PDSS2: variants seen among roughly 807,000 people sequenced by gnomAD.
PDSS2 encodes all trans-polyprenyl-diphosphate synthase PDSS2.
A neutral mutation model predicts 44.5 loss-of-function variants in PDSS2; 31 were observed. The ratio of observed to expected loss-of-function variants is 0.70; its 90% CI spans 0.52 to 0.94. The LOEUF is 0.94. Ranked by LOEUF, PDSS2 falls within the 40% of genes least tolerant of loss-of-function variation. The pLI, the probability that PDSS2 is intolerant of heterozygous loss-of-function variation, is 0.00. For synonymous variants in PDSS2, 157 were observed against 180.3 expected, an observed-to-expected ratio of 0.87 and a Z score of 1.03; for missense variants, 452 against 482.2, an observed-to-expected ratio of 0.94 and a Z score of 0.59.
At chr6:107,400,101 G>A (rs1780061551) in intron 1 of PDSS2, among the ~76,000 whole-genome samples, 1 of 152,082 alleles carries the variant, frequency 6.6e-6, no homozygotes, top group African/African-American at 2.4e-5. Flanking sequence ...TCCTACTGGG[G>A]AGCCAGGCAA....
intron 3 of PDSS2, among the ~76,000 whole-genome samples, chr6:107,267,518 A>G (rs1775447705): frequency 6.6e-6 from 1 of 151,880 alleles, no homozygotes; most frequent in Non-Finnish European, 1.5e-5. Context: ...AAAGTATACT[A>G]TATGCATAAA....
chr6:107,364,388 C>G (rs952741597), intron 1 of PDSS2, among the ~76,000 whole-genome samples: 3 of 151,452 alleles, frequency 2.0e-5, no homozygotes, highest in Admixed American at 6.5e-5. Flanking sequence ...AGCCCTGCCC[C>G]GCGGGAAGGC....
intron 1 of PDSS2, among the ~76,000 whole-genome samples, chr6:107,456,911 G>A (rs1043556997): frequency 2.0e-5 from 3 of 152,122 alleles, no homozygotes; most frequent in African/African-American, 7.2e-5. Flanking sequence ...GGACTGAGGA[G>A]TACACATTTA....
At chr6:107,314,633 T>C (rs1309322368) in intron 2 of PDSS2, among the ~76,000 whole-genome samples, 2 of 152,224 alleles carry the variant, frequency 1.3e-5, no homozygotes, top group Non-Finnish European at 2.9e-5. Context: ...TCATTAGATA[T>C]ACAGTGGCAG....
intron 1 of PDSS2, among the ~76,000 whole-genome samples, chr6:107,455,082 C>T (rs544710141): frequency 6.6e-6 from 1 of 152,034 alleles, no homozygotes; most frequent in East Asian, 1.9e-4. Context: ...TACAGCAACA[C>T]ATACATGCTA....
chr6:107,255,420 A>G (rs1233800246), intron 3 of PDSS2, among the ~76,000 whole-genome samples: 2 of 151,374 alleles, frequency 1.3e-5, no homozygotes, highest in Admixed American at 1.3e-4. Flanking sequence ...TCAAACTCCT[A>G]GCCTCAGGTG....
intron 1 of PDSS2, among the ~76,000 whole-genome samples, chr6:107,389,870 T>A (rs1779727027): frequency 6.6e-6 from 1 of 151,978 alleles, no homozygotes; most frequent in African/African-American, 2.4e-5. Flanking sequence ...TGGCTACTTC[T>A]ATGATTAGGC....
intron 2 of PDSS2, among the ~76,000 whole-genome samples, chr6:107,300,743 GAAAAA>G (rs1776667595): frequency 2.0e-5 from 3 of 151,994 alleles, no homozygotes; most frequent in Non-Finnish European, 2.9e-5. Flanking sequence ...TCTTGCAATT[GAAAAA>G]CAAAAAACAA....
intron 2 of PDSS2, among the ~76,000 whole-genome samples, chr6:107,327,183 G>A (rs373215729): frequency 2.6e-5 from 4 of 152,000 alleles, no homozygotes; most frequent in South Asian, 2.1e-4. Context: ...GGTGTGTCTC[G>A]CAGTTGGATG....
intron 1 of PDSS2, among the ~76,000 whole-genome samples, chr6:107,454,143 G>T (rs1423069629): frequency 6.6e-6 from 1 of 151,716 alleles, no homozygotes; most frequent in Non-Finnish European, 1.5e-5. Context: ...GACCTCCTGG[G>T]CTTAAGGTAT....
chr6:107,432,571 A>G (rs1366831922), intron 1 of PDSS2, among the ~76,000 whole-genome samples: 5 of 152,126 alleles, frequency 3.3e-5, no homozygotes, highest in African/African-American at 7.2e-5. Flanking sequence ...CAGGCGGATC[A>G]CTTGAGGCCA....
In PDSS2 at chr6:107,158,010, T is replaced by A. The variant is rs183921522; in HGVS notation, c.1042-3233A>T. Among the ~76,000 whole-genome samples, 51 of 152,130 alleles carry A rather than the reference T, an allele frequency of 3.4e-4. No homozygotes were observed. In the East Asian group the frequency reaches 8.9e-3, roughly 27 times the overall value. On this transcript the variant is annotated intron_variant, in intron 7 of 7. Coordinates refer to ENST00000369037, the MANE Select transcript of PDSS2 (RefSeq NM_020381.4). ...AATTCTCCATTCACTTATCTATGAC[T>A]TCATGAGACTTCAAGGTCCTTACTG... is the stretch of plus-strand genomic sequence containing the variant.
intron 3 of PDSS2, among the ~76,000 whole-genome samples, chr6:107,258,817 T>C (rs1290908191): frequency 1.3e-5 from 2 of 152,074 alleles, no homozygotes; most frequent in Non-Finnish European, 2.9e-5. Context: ...AAAAAAAGTT[T>C]CATGAAGCCC....
chr6:107,185,735 C>CA (rs1562360100), intron 7 of PDSS2, among the ~76,000 whole-genome samples: 3 of 152,144 alleles, frequency 2.0e-5, no homozygotes. Context: ...GAGCCTTCTC[C>CA]ACCAGTCCCA....
chr6:107,288,836 T>C (rs1776248082), intron 2 of PDSS2, among the ~76,000 whole-genome samples: 1 of 141,382 alleles, frequency 7.1e-6, no homozygotes, highest in South Asian at 2.4e-4. Flanking sequence ...CTCGGCTCAC[T>C]GCAACCTCCG....
intron 2 of PDSS2, among the ~76,000 whole-genome samples, chr6:107,286,856 T>C (rs1380691237): frequency 1.3e-5 from 2 of 151,980 alleles, no homozygotes; most frequent in Non-Finnish European, 2.9e-5. Context: ...CTGGCCAACA[T>C]GGTGAAACCC....
chr6:107,226,090 T>C (rs1345154191), intron 4 of PDSS2, among the ~76,000 whole-genome samples: 2 of 152,054 alleles, frequency 1.3e-5, no homozygotes, highest in Non-Finnish European at 2.9e-5. Context: ...AGGAGGATCA[T>C]GAGGTCAGGA....
At chr6:107,338,690 A>G (rs1362921612) in intron 1 of PDSS2, among the ~76,000 whole-genome samples, 1 of 152,178 alleles carries the variant, frequency 6.6e-6, no homozygotes, top group Non-Finnish European at 1.5e-5. Context: ...GGCAGGGACG[A>G]AAAAGTGTTC....
intron 1 of PDSS2, among the ~76,000 whole-genome samples, chr6:107,398,962 A>T (rs565351293): frequency 6.6e-6 from 1 of 152,278 alleles, no homozygotes; most frequent in African/African-American, 2.4e-5. Context: ...TTTAGAATGT[A>T]TTCATATTCT....
Sources: allele counts gnomAD v4.1 joint callset (sites outside exome capture counted in the v4.1 genomes callset), GRCh38; gene constraint gnomAD v4.1.1; transcripts MANE v1.5; gene names NCBI Gene and HGNC (gene_info 2026-07-23, HGNC 2026-07-21).